NEMP1: variants seen among roughly 807,000 people sequenced by gnomAD.
NEMP1 encodes the protein nuclear envelope integral membrane protein 1.
NEMP1 carries 29 observed loss-of-function variants against 53.7 expected under a neutral mutation model. The ratio of observed to expected loss-of-function variants is 0.54; its 90% CI spans 0.40 to 0.74. NEMP1 has a LOEUF of 0.74. Ranked by LOEUF, NEMP1 falls within the 30% of genes least tolerant of loss-of-function variation. NEMP1 has a pLI of 0.00. For synonymous variants in NEMP1, 193 were observed against 192.9 expected (o/e 1.00, Z 0.00); for missense variants, 477 against 528.6 (o/e 0.90, Z 0.96).
chr12:57,085,471 A>G (rs752480757), intron 1 of NEMP1, among the ~76,000 whole-genome samples: 3 of 152,156 alleles, frequency 2.0e-5, no homozygotes, highest in Non-Finnish European at 4.4e-5. Flanking sequence ...TTGTACCCAT[A>G]TTATTGCACT....
intron 2 of NEMP1, among the ~76,000 whole-genome samples, chr12:57,071,901 C>T (rs917066828): frequency 2.0e-5 from 3 of 152,088 alleles, no homozygotes; most frequent in African/African-American, 7.2e-5. Context: ...AGTAACTATG[C>T]TTATAACAAC....
chr12:57,057,614 C>CG lies in NEMP1; in HGVS notation c.*2264_*2265insC, dbSNP rs2031589567. 6.6e-6 allele frequency: 1 copy of CG among 152,294 alleles called. No homozygotes were observed. Among genetic ancestry groups the CG allele is most frequent in the South Asian group, 2.1e-4 (1 of 4,826 alleles). 9.4% of individuals were successfully genotyped at this position (152,294 alleles called of 1,614,324 possible). On this transcript the variant is annotated 3_prime_UTR_variant, in exon 9 of 9. Coordinates refer to ENST00000300128, the MANE Select transcript of NEMP1 (RefSeq NM_001130963.2). ...ACTCTCAGGCTGCAGAACCAATTGC[C>CG]ATCTCCACTGCCTACAGCTCAGGTC... is the stretch of plus-strand genomic sequence containing the variant.
At chr12:57,083,425 C>T (rs578107411), upstream of NEMP1, among the ~76,000 whole-genome samples, 1 of 152,346 alleles carries the variant, frequency 6.6e-6, no homozygotes, top group African/African-American at 2.4e-5. Flanking sequence ...TATTCATTAT[C>T]TGCAGGTGGA....
Position 57,063,268 on chromosome 12 carries a change from G to A in NEMP1, c.831C>T (p.Ile277=). The A allele has an allele frequency of 6.2e-7, 1 of 1,614,202 alleles. No individual in the cohort carries two copies. The highest frequency in any genetic ancestry group is 8.5e-7 in the Non-Finnish European group (1 of 1,180,046). ...GCTGCAAGGTCCAGGTCAGCAGGTTGATACTTCGTTCATTCTCCAAGGGCC... is the reference window on the plus strand; with the variant it reads ...GCTGCAAGGTCCAGGTCAGCAGGTTAATACTTCGTTCATTCTCCAAGGGCC... ...KYGPLENERS[I]NLLTWTLQLM... Residue 277 remains isoleucine (I), a synonymous_variant, in exon 7 of 9, where the codon ATC becomes ATT. Coordinates refer to ENST00000300128, the MANE Select transcript of NEMP1 (RefSeq NM_001130963.2).
intron 7 of NEMP1, among the ~76,000 whole-genome samples, chr12:57,062,273 AGTTTGAGACCACCCTGGCCAACATG>A (rs71446596): frequency 0.05 from 7,562 of 152,154 alleles, 288 homozygotes; most frequent in African/African-American, 0.1. Context: ...TGAGGTCAGG[AGTTTGAGACCACCCTGGCCAACATG>A]GTGAAACCAC....
chr12:57,062,102 T>C (rs532121378), intron 7 of NEMP1, among the ~76,000 whole-genome samples: 1 of 152,324 alleles, frequency 6.6e-6, no homozygotes, highest in East Asian at 1.9e-4. Flanking sequence ...TCCATATTTA[T>C]TATGCAAGGT....
At chr12:57,067,255 T>C (rs1366680576) in intron 4 of NEMP1, among the ~76,000 whole-genome samples, 1 of 149,600 alleles carries the variant, frequency 6.7e-6, no homozygotes, top group Non-Finnish European at 1.5e-5. Flanking sequence ...ACCCGGAAGG[T>C]GGAGCTTGCA....
chr12:57,066,587 T>C (rs2032087923), intron 4 of NEMP1, among the ~76,000 whole-genome samples: 1 of 152,212 alleles, frequency 6.6e-6, no homozygotes, highest in South Asian at 2.1e-4. Flanking sequence ...TATTGCTGTT[T>C]CTCAGGGAAT....
chr12:57,072,920 C>A lies in NEMP1; in HGVS notation c.128-8G>T. 2 of 1,598,836 alleles carry A rather than the reference C, an allele frequency of 1.3e-6. No individual in the cohort carries two copies. The highest frequency in any genetic ancestry group is 1.7e-6 in the Non-Finnish European group (2 of 1,172,514). ...CATTTACATCAGTTTCAGCTTTATG[C>A]AAAGAAAGGAAACAAGAATTAAACA... On this transcript the variant is annotated splice_region_variant and splice_polypyrimidine_tract_variant and intron_variant, in intron 1 of 8. Coordinates refer to ENST00000300128, the MANE Select transcript of NEMP1 (RefSeq NM_001130963.2).
intron 4 of NEMP1, among the ~76,000 whole-genome samples, chr12:57,066,623 G>C (rs979332860): frequency 6.6e-6 from 1 of 152,172 alleles, no homozygotes; most frequent in Non-Finnish European, 1.5e-5. Flanking sequence ...GAAGGGAGAC[G>C]GGAATAACCA....
intron 7 of NEMP1, among the ~76,000 whole-genome samples, chr12:57,062,539 T>C (rs576487583): frequency 3.3e-5 from 5 of 151,418 alleles, no homozygotes; most frequent in South Asian, 4.2e-4. Flanking sequence ...GCGATACAAT[T>C]TGTGGCGGGG....
intron 4 of NEMP1, among the ~76,000 whole-genome samples, chr12:57,067,989 T>C (rs1479126637): frequency 1.3e-5 from 2 of 152,148 alleles, no homozygotes; most frequent in Non-Finnish European, 2.9e-5. Context: ...TAGGCTGGTC[T>C]CAAACTCTTG....
At position 57,072,678 on chromosome 12, in the gene NEMP1, T is replaced by C. The variant is rs1210921491; in HGVS notation, c.252+110A>G. 3.2e-6 allele frequency: 4 copies of C among 1,232,688 alleles called. No homozygotes were observed. In the African/African-American group the frequency reaches 4.5e-5, roughly 14 times the overall value. The allele number at this position is 1,232,688 out of a possible 1,614,324, so 76.4% of individuals were successfully genotyped here. On this transcript the variant is annotated intron_variant, in intron 2 of 8. Transcript: ENST00000300128. ...ATAATCTCAACCCTAACAAGATTGT[T>C]AACAACATTTTTTTTAAGCATGTGA...
Position 57,057,306 on chromosome 12 carries a change from T to C in NEMP1, c.*2573A>G, listed in dbSNP as rs1426345517. The C allele has an allele frequency of 6.6e-6, 1 of 152,238 alleles. No individual in the cohort carries two copies. 9.4% of individuals were successfully genotyped at this position (152,238 alleles called of 1,614,324 possible). A position where few individuals can be genotyped will look rare whatever the true frequency, so the allele number is the denominator to read the frequency against. ...CTCCAATGTCCAGCTTACCTCATAG[T>C]TATCCCTTCAATCCTTCTTGATGAG... On this transcript the variant is annotated 3_prime_UTR_variant, in exon 9 of 9. Transcript: ENST00000300128.
At position 57,056,605 on chromosome 12, in the gene NEMP1, T is replaced by A. The variant is rs187086798; in HGVS notation, c.*3274A>T. The A allele has an allele frequency of 3.3e-4, 50 of 152,280 alleles. No individual in the cohort carries two copies. Among genetic ancestry groups the A allele is most frequent in the African/African-American group, 1.1e-3 (44 of 41,552 alleles). The allele number at this position is 152,280 out of a possible 1,614,324, so 9.4% of individuals were successfully genotyped here. On this transcript the variant is annotated 3_prime_UTR_variant, in exon 9 of 9. Transcript: ENST00000300128. ...CTCCTCCTTCCTTTCACTACTCAAT[T>A]CAAAGAAAAGTTATGAGTACACAGC...
intron 1 of NEMP1, among the ~76,000 whole-genome samples, chr12:57,073,702 C>T (rs190416083): frequency 2.0e-4 from 30 of 152,250 alleles, no homozygotes; most frequent in African/African-American, 7.0e-4. Flanking sequence ...TCATTTAATG[C>T]TCCCAACAAT....
intron 7 of NEMP1, among the ~76,000 whole-genome samples, chr12:57,062,405 G>C (rs190134731): frequency 6.6e-6 from 1 of 152,014 alleles, no homozygotes; most frequent in East Asian, 1.9e-4. Context: ...ACTTGAACCC[G>C]GGAGGTGGAG....
At chr12:57,066,670 G>A (rs1006212606) in intron 4 of NEMP1, among the ~76,000 whole-genome samples, 8 of 152,276 alleles carry the variant, frequency 5.3e-5, no homozygotes, top group South Asian at 2.1e-4. Context: ...GACATTTATC[G>A]ATGAAGTTCA....
At chr12:57,073,176 T>G (rs2032433895) in intron 1 of NEMP1, among the ~76,000 whole-genome samples, 1 of 151,200 alleles carries the variant, frequency 6.6e-6, no homozygotes, top group Non-Finnish European at 1.5e-5. Context: ...TTTTTTTTTT[T>G]GAGACAGTCT....
Sources: gnomAD v4.1 joint callset for allele counts (sites outside exome capture counted in the v4.1 genomes callset) on GRCh38, gnomAD v4.1.1 for gene constraint, MANE v1.5 for transcripts, NCBI Gene and HGNC (gene_info 2026-07-23, HGNC 2026-07-21) for gene names.